The following MARCHF1 variants were observed in gnomAD, a reference collection of about 807,000 sequenced individuals.
The protein encoded by MARCHF1 is E3 ubiquitin-protein ligase MARCHF1.
MARCHF1 carries 40 observed loss-of-function variants against 54.2 expected under a neutral mutation model. The ratio of observed to expected loss-of-function variants is 0.74; its 90% CI spans 0.57 to 0.96. The LOEUF (loss-of-function observed/expected upper bound fraction) is 0.96, where lower values mean the gene tolerates loss of function less well. Ranked by LOEUF, MARCHF1 falls within the 40% of genes least tolerant of loss-of-function variation. The probability of loss-of-function intolerance (pLI) is 0.00; values close to 1 mark genes in which losing one functional copy is unlikely to be tolerated. For missense variants in MARCHF1, 586 were observed against 656.5 expected (o/e 0.89, Z 1.17); for synonymous variants, 236 against 236.3 (o/e 1.00, Z 0.01).
chr4:164,052,529 C>CAA (rs375832848), intron 2 of MARCHF1, among the ~76,000 whole-genome samples: 1,575 of 145,206 alleles, frequency 0.011, 21 homozygotes, highest in African/African-American at 0.037. Flanking sequence ...GACTTCGTCT[C>CAA]AAAAAAAAAA....
intron 7 of MARCHF1, among the ~76,000 whole-genome samples, chr4:163,608,036 G>A (rs1428343933): frequency 6.6e-6 from 1 of 152,102 alleles, no homozygotes; most frequent in Non-Finnish European, 1.5e-5. Context: ...CCTTAGAAAA[G>A]TACATTTTCA....
At chr4:164,054,550 A>G (rs2111051908) in intron 2 of MARCHF1, among the ~76,000 whole-genome samples, 1 of 152,246 alleles carries the variant, frequency 6.6e-6, no homozygotes, top group South Asian at 2.1e-4. Context: ...GATAGACTGG[A>G]TTAAGAAAAT....
At chr4:164,022,685 C>T (rs766418229) in intron 2 of MARCHF1, among the ~76,000 whole-genome samples, 4 of 152,206 alleles carry the variant, frequency 2.6e-5, no homozygotes, top group African/African-American at 4.8e-5. Flanking sequence ...GCAGCTGCGG[C>T]GGAGTGCGGC....
At chr4:163,922,584 C>T (rs1482516318) in intron 3 of MARCHF1, among the ~76,000 whole-genome samples, 1 of 152,132 alleles carries the variant, frequency 6.6e-6, no homozygotes, top group Admixed American at 6.6e-5. Flanking sequence ...TTGTAATTTA[C>T]AATTCTGTGA....
intron 4 of MARCHF1, among the ~76,000 whole-genome samples, chr4:163,722,160 G>A (rs1745491501): frequency 6.6e-6 from 1 of 151,796 alleles, no homozygotes. Context: ...TTCTCTTGTG[G>A]GCATTTAGTG....
intron 2 of MARCHF1, among the ~76,000 whole-genome samples, chr4:163,996,738 T>C (rs1430855526): frequency 6.6e-6 from 1 of 152,036 alleles, no homozygotes; most frequent in Non-Finnish European, 1.5e-5. Context: ...CTCAGTCAAA[T>C]GTAAAAGTTA....
intron 3 of MARCHF1, among the ~76,000 whole-genome samples, chr4:163,885,349 G>T (rs1188656105): frequency 6.6e-6 from 1 of 152,086 alleles, no homozygotes; most frequent in African/African-American, 2.4e-5. Flanking sequence ...TGTATCATTT[G>T]TTATGGACCA....
intron 5 of MARCHF1, among the ~76,000 whole-genome samples, chr4:163,630,867 G>A: frequency 6.6e-6 from 1 of 151,928 alleles, no homozygotes; most frequent in East Asian, 1.9e-4. Flanking sequence ...AAAAAGCTGA[G>A]AGAATGCCAG....
At chr4:164,036,322 T>C (rs1174544244) in intron 2 of MARCHF1, among the ~76,000 whole-genome samples, 1 of 152,112 alleles carries the variant, frequency 6.6e-6, no homozygotes, top group East Asian at 1.9e-4. Context: ...CATCTTTTTC[T>C]ATACTACAAT....
intron 3 of MARCHF1, among the ~76,000 whole-genome samples, chr4:163,965,307 C>T (rs1354858147): frequency 6.6e-6 from 1 of 151,966 alleles, no homozygotes. Flanking sequence ...CATAGGCTTG[C>T]CTTGTGCCAG....
At chr4:164,221,924 A>T (rs1336206619) in intron 1 of MARCHF1, among the ~76,000 whole-genome samples, 1 of 151,994 alleles carries the variant, frequency 6.6e-6, no homozygotes, top group Non-Finnish European at 1.5e-5. Context: ...CATTTCCTGA[A>T]CCACTTTTCT....
chr4:163,965,753 A>G (rs1421117864), intron 3 of MARCHF1, among the ~76,000 whole-genome samples: 1 of 152,154 alleles, frequency 6.6e-6, no homozygotes, highest in Non-Finnish European at 1.5e-5. Context: ...CCAAATGAAC[A>G]GATTCCTACA....
Position 163,785,513 on chromosome 4 carries a change from C to CT in MARCHF1, c.111+68507dup, listed in dbSNP as rs200046919. Among the ~76,000 whole-genome samples, 1,141 of 151,924 alleles carry CT rather than the reference C, an allele frequency of 7.5e-3. 16 individuals carry two copies. The highest frequency in any genetic ancestry group is 0.026 in the African/African-American group (1,083 of 41,474). ...AATCAAAACAAAATCAAGACAATGA[C>CT]TTTTTTTTCCTCCTCAATCTCAAGA... On this transcript the variant is annotated intron_variant, in intron 4 of 9. Coordinates refer to ENST00000514618, the MANE Select transcript of MARCHF1 (RefSeq NM_001394959.1).
chr4:164,181,430 A>G (rs1316026764), intron 1 of MARCHF1, among the ~76,000 whole-genome samples: 2 of 152,212 alleles, frequency 1.3e-5, no homozygotes, highest in Non-Finnish European at 2.9e-5. Context: ...CTAAGGCATA[A>G]TAAGTTATAT....
chr4:164,300,698 A>C (rs1734533143), intron 1 of MARCHF1, among the ~76,000 whole-genome samples: 2 of 152,046 alleles, frequency 1.3e-5, no homozygotes, highest in South Asian at 2.1e-4. Flanking sequence ...GTGCCACTAC[A>C]TCCAGCTAAT....
At chr4:163,779,717 G>C (rs934024364) in intron 4 of MARCHF1, among the ~76,000 whole-genome samples, 1 of 152,084 alleles carries the variant, frequency 6.6e-6, no homozygotes, top group African/African-American at 2.4e-5. Context: ...GGAACAAAGT[G>C]GGAGATATTC....
chr4:163,631,579 C>T lies in MARCHF1; in HGVS notation c.163-18186G>A, dbSNP rs936364077. 2.7e-5 allele frequency among the ~76,000 whole-genome samples: 4 copies of T among 150,554 alleles called. No homozygotes were observed. The East Asian group carries it at 7.8e-4, about 29-fold the overall frequency. On this transcript the variant is annotated intron_variant, in intron 5 of 9. Transcript: ENST00000514618. Reference sequence around the variant, plus strand: ...AAAAATAGTCAGATAATTTAGAAAACCTATCTGTATACCTCTTCTGCATTT... The same window carrying T: ...AAAAATAGTCAGATAATTTAGAAAATCTATCTGTATACCTCTTCTGCATTT...
intron 1 of MARCHF1, among the ~76,000 whole-genome samples, chr4:164,241,751 C>T (rs2111211247): frequency 6.6e-6 from 1 of 152,248 alleles, no homozygotes; most frequent in South Asian, 2.1e-4. Context: ...AGACAGTGGG[C>T]ACAGGTCAGT....
rs1370142645 is a variant in MARCHF1, at chr4:163,998,652, A to G, written c.-247-9943T>C. On this transcript the variant is annotated intron_variant, in intron 2 of 9. Coordinates refer to ENST00000514618, the MANE Select transcript of MARCHF1 (RefSeq NM_001394959.1). ...AACATCTCCACAACTTTACCCTCCT[A>G]TCCTCGGTAACCATCATTCTACTCT... Among the ~76,000 whole-genome samples the G allele has an allele frequency of 3.3e-5, 5 of 151,702 alleles. No individual in the cohort carries two copies. In the South Asian group the frequency reaches 1.0e-3, roughly 31 times the overall value.
Sources: allele counts gnomAD v4.1 joint callset (sites outside exome capture counted in the v4.1 genomes callset), GRCh38; gene constraint gnomAD v4.1.1; transcripts MANE v1.5; gene names NCBI Gene and HGNC (gene_info 2026-07-23, HGNC 2026-07-21).